The following ANKRD44 variants were observed in gnomAD, a reference collection of about 807,000 sequenced individuals.
ANKRD44 encodes ankyrin repeat domain 44.
ANKRD44 carries 35 observed loss-of-function variants against 116.0 expected under a neutral mutation model. The observed-to-expected ratio is 0.30, with a 90% CI of 0.23 to 0.40. The LOEUF is 0.40. ANKRD44 is among the 10% of genes least tolerant of loss of function. The pLI is 1.00. For synonymous variants in ANKRD44, 435 were observed against 461.8 expected (o/e 0.94, Z 0.74); for missense variants, 1,014 against 1,242.6 (o/e 0.82, Z 2.77).
intron 16 of ANKRD44, among the ~76,000 whole-genome samples, chr2:197,057,219 G>A (rs2077219779): frequency 6.6e-6 from 1 of 152,092 alleles, no homozygotes; most frequent in Non-Finnish European, 1.5e-5. Flanking sequence ...TAGGTATTGA[G>A]CTTTACTAAA....
At position 197,086,688 on chromosome 2, in the gene ANKRD44, C is replaced by G; in HGVS notation, c.1308G>C (p.Lys436Asn). 1.2e-6 allele frequency: 2 copies of G among 1,613,878 alleles called. No individual in the cohort carries two copies. Among genetic ancestry groups the G allele is most frequent in the Non-Finnish European group, 8.5e-7 (1 of 1,179,810 alleles). ...SSGADFHKKD[K>N]CGRTPLHYAA... ...ACTCTCTGATTACATACCTCCCACA[C>G]TTGTCCTTTTTATGGAAATCTGCTC... is the stretch of plus-strand genomic sequence containing the variant. Residue 436 changes from lysine to asparagine, a missense_variant, in exon 13 of 28, where the codon AAG becomes AAC. By Grantham distance (94) the Lys-to-Asn change is moderately conservative (BLOSUM62 0). Transcript: ENST00000282272.
intron 1 of ANKRD44, among the ~76,000 whole-genome samples, chr2:197,254,104 A>T (rs2082383446): frequency 6.6e-6 from 1 of 152,062 alleles, no homozygotes; most frequent in Non-Finnish European, 1.5e-5. Context: ...TAAACTTCCA[A>T]CTCCAAGACG....
chr2:197,287,147 G>A (rs2083429585), intron 1 of ANKRD44, among the ~76,000 whole-genome samples: 2 of 152,212 alleles, frequency 1.3e-5, no homozygotes, highest in South Asian at 2.1e-4. Context: ...TACCACTCTA[G>A]TGGGGATGGT....
Position 197,294,737 on chromosome 2 carries a change from A to G in ANKRD44, c.27+15841T>C, listed in dbSNP as rs77477681. ...TAATTGTATAATTTCCATTTGTAAT[A>G]CTTGACCTTTAAACTGTGTTTGCTT... is the stretch of plus-strand genomic sequence containing the variant. On this transcript the variant is annotated intron_variant, in intron 1 of 27. Coordinates refer to ENST00000282272, the MANE Select transcript of ANKRD44 (RefSeq NM_001195144.2). 6.1e-3 allele frequency among the ~76,000 whole-genome samples: 923 copies of G among 152,326 alleles called. 14 individuals are homozygous for G. The highest frequency in any genetic ancestry group is 0.021 in the African/African-American group (869 of 41,566).
chr2:197,039,575 A>G (rs1003126679), intron 16 of ANKRD44, among the ~76,000 whole-genome samples: 21 of 152,160 alleles, frequency 1.4e-4, no homozygotes, highest in African/African-American at 4.8e-4. Context: ...ATTAGCAGTA[A>G]GTTGGATATA....
At chr2:197,004,321 C>T (rs1402226289) in intron 21 of ANKRD44, among the ~76,000 whole-genome samples, 2 of 152,014 alleles carry the variant, frequency 1.3e-5, no homozygotes, top group Non-Finnish European at 2.9e-5. Context: ...CTCAAAATCT[C>T]TAAGTGGAAA....
intron 2 of ANKRD44, among the ~76,000 whole-genome samples, chr2:197,167,476 CTA>C (rs149313352): frequency 2.2e-4 from 34 of 152,290 alleles, no homozygotes; most frequent in African/African-American, 8.2e-4. Context: ...GCTAGACCAT[CTA>C]TCTTAGATGG....
At chr2:197,238,219 T>G (rs981369842) in intron 1 of ANKRD44, among the ~76,000 whole-genome samples, 3 of 152,218 alleles carry the variant, frequency 2.0e-5, no homozygotes, top group African/African-American at 7.2e-5. Context: ...TATGCCTGTT[T>G]GGCTCACACT....
At chr2:197,009,953 T>C (rs146747501) in intron 18 of ANKRD44, among the ~76,000 whole-genome samples, 1,793 of 152,100 alleles carry the variant, frequency 0.012, 20 homozygotes, top group Middle Eastern at 0.048. Flanking sequence ...CCCAATTCCA[T>C]ATAATCATAC....
intron 21 of ANKRD44, among the ~76,000 whole-genome samples, chr2:196,971,757 T>C (rs185751654): frequency 1.2e-3 from 182 of 152,280 alleles, no homozygotes; most frequent in Middle Eastern, 3.4e-3. Flanking sequence ...CTGGGCCCCC[T>C]GCTAGAAGAC....
intron 14 of ANKRD44, among the ~76,000 whole-genome samples, chr2:197,083,105 A>G (rs1031172232): frequency 2.0e-5 from 3 of 152,270 alleles, no homozygotes; most frequent in African/African-American, 7.2e-5. Context: ...ATTAAAACAG[A>G]TTTTGAATGA....
In ANKRD44 at chr2:197,007,889, T is replaced by C; in HGVS notation, c.2047A>G (p.Ile683Val). 6.2e-7 allele frequency: 1 copy of C among 1,614,038 alleles called. No individual in the cohort carries two copies. Among genetic ancestry groups the C allele is most frequent in the South Asian group, 1.1e-5 (1 of 91,084 alleles). The change falls in exon 20 of 28, where the codon ATT (isoleucine) becomes GTT (valine). Residue 683 changes from isoleucine (I) to valine (V), a missense_variant. By Grantham distance (29) the Ile-to-Val change is conservative (BLOSUM62 3). Transcript: ENST00000282272. ...TCAAGTAACAATGAAACAGCGTCAA[T>C]ATGTCCATATGCTACTGCAAGCATC... is the stretch of plus-strand genomic sequence containing the variant. Reference protein sequence around the residue: ...PLMLAVAYGHIDAVSLLLEKE... With the variant: ...PLMLAVAYGHVDAVSLLLEKE...
At position 197,282,201 on chromosome 2, in the gene ANKRD44, G is replaced by A. The variant is rs10210973; in HGVS notation, c.27+28377C>T. On this transcript the variant is annotated intron_variant, in intron 1 of 27. Coordinates refer to ENST00000282272, the MANE Select transcript of ANKRD44 (RefSeq NM_001195144.2). Reference sequence around the variant, plus strand: ...CTGGGAGGCAGAGCCTGCAGTGAGCGGAGATCATGCCACTACACTCCAGCC... The same window carrying A: ...CTGGGAGGCAGAGCCTGCAGTGAGCAGAGATCATGCCACTACACTCCAGCC... Among the ~76,000 whole-genome samples the A allele has an allele frequency of 3.4e-3, 512 of 152,160 alleles. 3 individuals are homozygous for A. The highest frequency in any genetic ancestry group is 0.012 in the African/African-American group (484 of 41,498).
At chr2:197,164,182 G>A (rs1279080264) in intron 2 of ANKRD44, among the ~76,000 whole-genome samples, 1 of 152,186 alleles carries the variant, frequency 6.6e-6, no homozygotes, top group Non-Finnish European at 1.5e-5. Context: ...GGGGAGCGAG[G>A]CTCCTTTATT....
chr2:197,036,640 C>A (rs1378632884), intron 16 of ANKRD44, among the ~76,000 whole-genome samples: 1 of 152,156 alleles, frequency 6.6e-6, no homozygotes, highest in East Asian at 1.9e-4. Flanking sequence ...TTTGATGACT[C>A]TGATTATCTC....
intron 2 of ANKRD44, among the ~76,000 whole-genome samples, chr2:197,180,579 C>T (rs2080478880): frequency 6.6e-6 from 1 of 151,962 alleles, no homozygotes; most frequent in African/African-American, 2.4e-5. Flanking sequence ...ACATCTCAGT[C>T]CTTCATCTTC....
chr2:197,274,931 G>GA (rs561264977), intron 1 of ANKRD44, among the ~76,000 whole-genome samples: 152 of 149,458 alleles, frequency 1.0e-3, no homozygotes, highest in East Asian at 1.6e-3. Flanking sequence ...CCATCTCTAT[G>GA]AAAAAAAAAC....
At chr2:197,099,364 G>T in intron 10 of ANKRD44, 3 of 260,926 alleles carry the variant, frequency 1.1e-5, no homozygotes, top group Non-Finnish European at 1.8e-5. Flanking sequence ...ATGTATTTTT[G>T]TGGAATTGAA....
At chr2:197,227,650 T>C (rs919530208) in intron 1 of ANKRD44, among the ~76,000 whole-genome samples, 1 of 151,828 alleles carries the variant, frequency 6.6e-6, no homozygotes, top group Admixed American at 6.6e-5. Context: ...ACAGCTGACT[T>C]GTGAGAATAA....
Sources: gnomAD v4.1 joint callset for allele counts (sites outside exome capture counted in the v4.1 genomes callset) on GRCh38, gnomAD v4.1.1 for gene constraint, MANE v1.5 for transcripts, NCBI Gene and HGNC (gene_info 2026-07-23, HGNC 2026-07-21) for gene names.